YWHAE: variants seen among roughly 807,000 people sequenced by gnomAD.
YWHAE encodes the protein tyrosine 3-monooxygenase/tryptophan 5-monooxygenase activation protein epsilon, also known as 14-3-3 protein epsilon.
YWHAE carries 4 observed loss-of-function variants against 30.1 expected under a neutral mutation model. The observed-to-expected ratio is 0.13, with a 90% CI of 0.07 to 0.30. The LOEUF (loss-of-function observed/expected upper bound fraction) is 0.30. Ranked by LOEUF, YWHAE falls within the 10% of genes least tolerant of loss-of-function variation. The probability of loss-of-function intolerance (pLI) is 1.00; values close to 1 mark genes in which losing one functional copy is unlikely to be tolerated. For synonymous variants in YWHAE, 118 were observed against 111.8 expected (o/e 1.06, Z -0.35); for missense variants, 121 against 315.9 (o/e 0.38, Z 4.68).
At chr17:1,382,776 G>C (rs555609804) in intron 1 of YWHAE, among the ~76,000 whole-genome samples, 1 of 152,262 alleles carries the variant, frequency 6.6e-6, no homozygotes. Flanking sequence ...TGTATTCCCA[G>C]CAATTTGAGA....
intron 5 of YWHAE, among the ~76,000 whole-genome samples, chr17:1,346,614 CG>C (rs1272669761): frequency 6.6e-6 from 1 of 152,168 alleles, no homozygotes; most frequent in African/African-American, 2.4e-5. Flanking sequence ...TCTTCTGCGG[CG>C]GAAACGCTTG....
At chr17:1,346,191 A>C (rs2072513593) in intron 5 of YWHAE, among the ~76,000 whole-genome samples, 1 of 152,198 alleles carries the variant, frequency 6.6e-6, no homozygotes, top group African/African-American at 2.4e-5. Context: ...AAGGAGTTTC[A>C]ACTGCACTAT....
At chr17:1,359,337 G>A (rs886263400) in intron 4 of YWHAE, among the ~76,000 whole-genome samples, 1 of 151,988 alleles carries the variant, frequency 6.6e-6, no homozygotes, top group African/African-American at 2.4e-5. Flanking sequence ...AGAATTTTCA[G>A]TCCCAATTCC....
chr17:1,396,909 AC>A (rs1224290746), intron 1 of YWHAE, among the ~76,000 whole-genome samples: 4 of 147,010 alleles, frequency 2.7e-5, no homozygotes, highest in Non-Finnish European at 5.9e-5. Context: ...GGCATGAGCC[AC>A]CGCACCTGGC....
At chr17:1,365,452 T>G (rs900527499) in intron 1 of YWHAE, among the ~76,000 whole-genome samples, 1 of 152,192 alleles carries the variant, frequency 6.6e-6, no homozygotes, top group Non-Finnish European at 1.5e-5. Flanking sequence ...AAATAAATAG[T>G]ATTTCCAAAA....
rs540722393 is a variant in YWHAE at position 1,356,272 on chromosome 17, G to A, written c.579-1925C>T. ...TAATCCCAGCTACTCAGGAGGCTGAGGCAGAAGAATCCCTTGAACCTGGGA... is the reference window on the plus strand; with the variant it reads ...TAATCCCAGCTACTCAGGAGGCTGAAGCAGAAGAATCCCTTGAACCTGGGA... On this transcript the variant is annotated intron_variant, in intron 4 of 5. Transcript: ENST00000264335. 2.0e-5 allele frequency among the ~76,000 whole-genome samples: 3 copies of A among 152,230 alleles called. No homozygotes were observed. The South Asian group carries it at 6.2e-4, about 32-fold the overall frequency.
intron 5 of YWHAE, among the ~76,000 whole-genome samples, chr17:1,348,527 C>G (rs992010591): frequency 6.6e-6 from 1 of 152,192 alleles, no homozygotes; most frequent in African/African-American, 2.4e-5. Flanking sequence ...AAAGTCACAT[C>G]CTAGTAAACT....
chr17:1,380,397 C>T (rs1567977170), intron 1 of YWHAE, among the ~76,000 whole-genome samples: 1 of 152,118 alleles, frequency 6.6e-6, no homozygotes, highest in Non-Finnish European at 1.5e-5. Flanking sequence ...CCGCGCCCAG[C>T]CCAGACTAGA....
chr17:1,362,946 G>C lies in YWHAE; in HGVS notation c.265-938C>G, dbSNP rs573668341. 6.6e-5 allele frequency among the ~76,000 whole-genome samples: 10 copies of C among 152,130 alleles called. No homozygotes were observed. The South Asian group carries it at 1.9e-3, about 28-fold the overall frequency. On this transcript the variant is annotated intron_variant, in intron 2 of 5. Coordinates refer to ENST00000264335, the MANE Select transcript of YWHAE (RefSeq NM_006761.5). Reference sequence around the variant, plus strand: ...TCCAAACTCTTCCTCCTCACAAGCTGATGATCTACATTCTATTTCTCAGTT... The same window carrying C: ...TCCAAACTCTTCCTCCTCACAAGCTCATGATCTACATTCTATTTCTCAGTT...
intron 5 of YWHAE, among the ~76,000 whole-genome samples, chr17:1,352,532 T>C (rs1300067697): frequency 2.0e-5 from 3 of 150,456 alleles, no homozygotes; most frequent in Non-Finnish European, 4.5e-5. Flanking sequence ...GTTATCTCTT[T>C]TTTTTTTTTT....
At chr17:1,352,196 C>A (rs1484200037) in intron 5 of YWHAE, 1 of 152,188 alleles carries the variant, frequency 6.6e-6, no homozygotes, top group Non-Finnish European at 1.5e-5. Context: ...TTCTGTGGCT[C>A]CATCTGGCAC....
At chr17:1,352,721 T>C (rs576224745) in intron 5 of YWHAE, among the ~76,000 whole-genome samples, 1 of 152,242 alleles carries the variant, frequency 6.6e-6, no homozygotes, top group South Asian at 2.1e-4. Flanking sequence ...GGGACGGGGT[T>C]TCCCCGTGTT....
At chr17:1,367,542 T>TATTA (rs1166499577) in intron 1 of YWHAE, among the ~76,000 whole-genome samples, 1 of 152,130 alleles carries the variant, frequency 6.6e-6, no homozygotes, top group African/African-American at 2.4e-5. Context: ...TGCAGTGAGC[T>TATTA]ATTAGGTTGG....
At chr17:1,358,655 G>C (rs944259707) in intron 4 of YWHAE, among the ~76,000 whole-genome samples, 18 of 151,804 alleles carry the variant, frequency 1.2e-4, no homozygotes, top group African/African-American at 4.1e-4. Context: ...GTGAAACCTC[G>C]TCTCTACTAA....
chr17:1,348,145 C>G (rs2072558162), intron 5 of YWHAE: 2 of 208,794 alleles, frequency 9.6e-6, no homozygotes, highest in African/African-American at 4.7e-5. Flanking sequence ...AAACTTCACT[C>G]TAAGCAACAA....
chr17:1,399,971 G>T, intron 1 of YWHAE, 76 bp downstream of exon 1: 1 of 1,574,530 alleles, frequency 6.4e-7, no homozygotes, highest in Non-Finnish European at 8.7e-7. Context: ...CCGCCATTTT[G>T]TCTCCTGTTC....
At chr17:1,364,773 C>G in intron 2 of YWHAE, 86 bp downstream of exon 2, 1 of 1,429,986 alleles carries the variant, frequency 7.0e-7, no homozygotes. Flanking sequence ...TGAATGTAGT[C>G]TCCTTTTCTC....
chr17:1,348,788 C>T (rs962380683), intron 5 of YWHAE, among the ~76,000 whole-genome samples: 5 of 152,152 alleles, frequency 3.3e-5, no homozygotes, highest in Non-Finnish European at 5.9e-5. Flanking sequence ...TTTTGGGAGG[C>T]CGAGGCAGGC....
intron 2 of YWHAE, among the ~76,000 whole-genome samples, chr17:1,363,393 G>A (rs1598241280): frequency 6.6e-6 from 1 of 152,242 alleles, no homozygotes; most frequent in African/African-American, 2.4e-5. Flanking sequence ...AGCCTCCCGA[G>A]TAGCTGGGAT....
Sources: gnomAD v4.1 joint callset for allele counts (sites outside exome capture counted in the v4.1 genomes callset) on GRCh38, gnomAD v4.1.1 for gene constraint, MANE v1.5 for transcripts, NCBI Gene and HGNC (gene_info 2026-07-23, HGNC 2026-07-21) for gene names.